The following BRCA1 variants were observed in gnomAD, a reference collection of about 807,000 sequenced individuals.
BRCA1 encodes the protein BRCA1 DNA repair associated.
Under a neutral mutation model 173.7 loss-of-function variants are expected in BRCA1, and 140 were observed. The ratio of observed to expected loss-of-function variants is 0.81; its 90% CI spans 0.70 to 0.93. BRCA1 has a LOEUF of 0.93. Among genes scored for constraint, BRCA1 ranks in the 40% least tolerant of loss-of-function variants. BRCA1 has a pLI of 0.00. For missense variants in BRCA1, 1,983 were observed against 2,172.5 expected (o/e 0.91, Z 1.73); for synonymous variants, 662 against 756.0 (o/e 0.88, Z 2.04).
In BRCA1 at chr17:43,094,790, G is replaced by A. The variant is rs1597880263; in HGVS notation, c.741C>T (p.Asn247=). 1.9e-6 allele frequency: 3 copies of A among 1,613,168 alleles called. No homozygotes were observed. Among genetic ancestry groups the A allele is most frequent in the Non-Finnish European group, 2.5e-6 (3 of 1,179,744 alleles). ...TCTCAGCTGCACGCTTCTCAGTGGT[G>A]TTCAAATCATTATTACTGGGTTGAT... ...EHHQPSNNDL[N]TTEKRAAERH... is the part of the protein sequence containing the mutation. Residue 247 remains asparagine, a synonymous_variant, in exon 10 of 23, where the codon AAC becomes AAT. Coordinates refer to ENST00000357654, the MANE Select transcript of BRCA1 (RefSeq NM_007294.4).
intron 13 of BRCA1, 113 bp downstream of exon 13, chr17:43,076,375 A>C: frequency 7.6e-7 from 1 of 1,309,054 alleles, no homozygotes; most frequent in Non-Finnish European, 1.1e-6. Context: ...AAAAGTGTAT[A>C]AATGCCTGTA....
In BRCA1 at chr17:43,145,578, G is replaced by A. The variant is rs542813104; in HGVS notation, c.-19-21463C>T. Among the ~76,000 whole-genome samples the A allele has an allele frequency of 3.6e-4, 54 of 152,104 alleles. 1 individual carries two copies. The Middle Eastern group carries it at 0.027, about 77-fold the overall frequency. On this transcript the variant is annotated intron_variant, in intron 1 of 7. Coordinates refer to the BRCA1 transcript ENST00000634433. ...CCTGACCTCGTGATCCGCCCGCCTC[G>A]GCCTCCCAAAGTGCTGGGATTACAG...
At position 43,094,206 on chromosome 17, in the gene BRCA1, C is replaced by T. The variant is rs1285425507; in HGVS notation, c.1325G>A (p.Cys442Tyr). 6.2e-7 allele frequency: 1 copy of T among 1,613,936 alleles called. No homozygotes were observed. Among genetic ancestry groups the T allele is most frequent in the African/African-American group, 1.3e-5 (1 of 74,916 alleles). Residue 442 changes from cysteine to tyrosine, a missense_variant, in exon 10 of 23, where the codon TGT becomes TAT. Cys to Tyr is a radical substitution (Grantham distance 194). Transcript: ENST00000357654. Reference protein sequence around the residue: ...LASDPHEALICKSERVHSKSV... With the variant: ...LASDPHEALIYKSERVHSKSV... The stretch of plus-strand genomic sequence containing the variant: ...TTTGGAGTGAACTCTTTCACTTTTA[C>T]ATATTAAAGCCTCATGAGGATCACT...
chr17:43,121,683 C>CAAAAAAAAAAAAAAAA, intron 2 of BRCA1, among the ~76,000 whole-genome samples: 1 of 32,902 alleles, frequency 3.0e-5, no homozygotes, highest in Non-Finnish European at 5.1e-5. Flanking sequence ...AAGTCTGTCT[C>CAAAAAAAAAAAAAAAA]AAAAAAAAAA....
At chr17:43,166,200 C>A (rs1420001007) in intron 1 of BRCA1, 1 of 151,698 alleles carries the variant, frequency 6.6e-6, no homozygotes, top group Non-Finnish European at 1.5e-5. Flanking sequence ...CTGTCTGTCT[C>A]TTCCTGTCTC....
At chr17:43,096,302 G>C (rs1227988705) in intron 8 of BRCA1, among the ~76,000 whole-genome samples, 3 of 150,192 alleles carry the variant, frequency 2.0e-5, no homozygotes, top group Non-Finnish European at 4.4e-5. Context: ...GCTTCAACCT[G>C]GGAGGCAGAC....
intron 11 of BRCA1, among the ~76,000 whole-genome samples, chr17:43,090,151 A>G (rs1340927884): frequency 3.9e-5 from 6 of 152,132 alleles, no homozygotes; most frequent in Admixed American, 2.0e-4. Flanking sequence ...TGGTACCAAG[A>G]ATAAACACCA....
At chr17:43,134,113 C>T (rs879721149) in intron 1 of BRCA1, among the ~76,000 whole-genome samples, 1 of 152,258 alleles carries the variant, frequency 6.6e-6, no homozygotes, top group Non-Finnish European at 1.5e-5. Flanking sequence ...GTTCTCCTCT[C>T]TGGTCCCTTG....
intron 6 of BRCA1, among the ~76,000 whole-genome samples, chr17:43,100,673 TATATAATATATATATA>T (rs2054411261): frequency 1.2e-4 from 2 of 16,336 alleles, no homozygotes; most frequent in Non-Finnish European, 1.8e-4. Context: ...TATATATATA[TATATAATATATATATA>T]TATATATATA....
intron 1 of BRCA1, among the ~76,000 whole-genome samples, chr17:43,158,061 CAT>C (rs746611024): frequency 1.1e-4 from 17 of 150,408 alleles, no homozygotes; most frequent in Non-Finnish European, 1.5e-4. Flanking sequence ...AGCTAGAAAA[CAT>C]ACAATAGTTG....
In BRCA1 at chr17:43,110,595, A is replaced by AG. The variant is rs1280295944; in HGVS notation, c.135-4063_135-4062insC. 7.3e-6 allele frequency: 3 copies of AG among 408,850 alleles called. No individual in the cohort carries two copies. In the Admixed American group the frequency reaches 9.3e-5, roughly 13 times the overall value. The allele number at this position is 408,850 out of a possible 1,614,324, so 25.3% of individuals were successfully genotyped here. On this transcript the variant is annotated intron_variant, in intron 3 of 22. Coordinates refer to ENST00000357654, the MANE Select transcript of BRCA1 (RefSeq NM_007294.4). ...AGAGTAAGACCCTGTCTCAAAAAAA[A>AG]AAAAAAAAAGTAGCTGTTGAAAAAT...
chr17:43,100,674 ATATAAT>A (rs1214183966), intron 6 of BRCA1, among the ~76,000 whole-genome samples: 968 of 18,142 alleles, frequency 0.053, 111 homozygotes, highest in South Asian at 0.094. Flanking sequence ...ATATATATAT[ATATAAT>A]ATATATATAT....
At chr17:43,114,153 G>A (rs1431694872) in intron 3 of BRCA1, among the ~76,000 whole-genome samples, 5 of 151,638 alleles carry the variant, frequency 3.3e-5, no homozygotes, top group Non-Finnish European at 7.4e-5. Context: ...CTACAGCTTC[G>A]AACTCCTGGC....
At chr17:43,126,910 G>A (rs1298492995), upstream of BRCA1, among the ~76,000 whole-genome samples, 1 of 152,128 alleles carries the variant, frequency 6.6e-6, no homozygotes, top group East Asian at 1.9e-4. Context: ...GGTGGGCGCG[G>A]GCTCAGCGGG....
At chr17:43,113,219 C>T (rs1340224256) in intron 3 of BRCA1, among the ~76,000 whole-genome samples, 1 of 152,188 alleles carries the variant, frequency 6.6e-6, no homozygotes, top group African/African-American at 2.4e-5. Flanking sequence ...CTCTTTCTTA[C>T]ATCCTTTTTC....
At chr17:43,124,326 C>A (rs991386330) in intron 1 of BRCA1, among the ~76,000 whole-genome samples, 2 of 152,168 alleles carry the variant, frequency 1.3e-5, no homozygotes, top group Non-Finnish European at 2.9e-5. Flanking sequence ...AATTTTTTCA[C>A]ATATTGCTGC....
chr17:43,072,409 A>AT lies in BRCA1; in HGVS notation c.4676-1172dup, dbSNP rs934893737. 3.9e-4 allele frequency among the ~76,000 whole-genome samples: 58 copies of AT among 147,216 alleles called. 1 individual carries two copies. Among genetic ancestry groups the AT allele is most frequent in the Middle Eastern group, 3.5e-3 (1 of 284 alleles). On this transcript the variant is annotated intron_variant, in intron 14 of 22. Coordinates refer to ENST00000357654, the MANE Select transcript of BRCA1 (RefSeq NM_007294.4). Reference sequence around the variant, plus strand: ...CGTCTCAAAAAAGAGTACGGGTAATATTTTTTTTTTTGAGAAGGGTCTCGG... The same window carrying AT: ...CGTCTCAAAAAAGAGTACGGGTAATATTTTTTTTTTTTGAGAAGGGTCTCGG...
intron 3 of BRCA1, chr17:43,110,572 AG>A (rs1302455761): frequency 2.6e-5 from 11 of 428,030 alleles, no homozygotes; most frequent in Middle Eastern, 4.1e-4. Flanking sequence ...GGGACAACAG[AG>A]TAAGACCCTG....
chr17:43,082,703 T>A lies in BRCA1; in HGVS notation c.4186-128A>T, dbSNP rs528390541. On this transcript the variant is annotated intron_variant, in intron 11 of 22. Transcript: ENST00000357654. ...TCACCTAGTATGGAACTACAAGTTC[T>A]AGCTGAACACCTTTTAATCTAACCA... 4.1e-4 allele frequency: 399 copies of A among 981,060 alleles called. 1 individual carries two copies. Among genetic ancestry groups the A allele is most frequent in the Non-Finnish European group, 5.7e-4 (365 of 641,774 alleles). 60.8% of individuals were successfully genotyped at this position (981,060 alleles called of 1,614,324 possible).
Sources: allele counts gnomAD v4.1 joint callset (sites outside exome capture counted in the v4.1 genomes callset), GRCh38; gene constraint gnomAD v4.1.1; transcripts MANE v1.5; gene names NCBI Gene and HGNC (gene_info 2026-07-23, HGNC 2026-07-21).